Variants in BMAL2 observed in about 807,000 individuals in gnomAD.
The protein encoded by BMAL2 is basic helix-loop-helix ARNT-like protein 2.
At chr12:27,355,829 G>A in the BMAL2 span, among the ~76,000 whole-genome samples, 14 of 152,258 alleles carry the variant, frequency 9.2e-5, no homozygotes, top group African/African-American at 2.9e-4. Context: ...TTTAGTTTAT[G>A]GAGCCTGAGA....
At chr12:27,347,543 GAC>G in the BMAL2 span, among the ~76,000 whole-genome samples, 1 of 152,096 alleles carries the variant, frequency 6.6e-6, no homozygotes, top group Non-Finnish European at 1.5e-5. Context: ...TGATCTGCAG[GAC>G]ATTGTAGGAC....
At chr12:27,381,092 G>A in the BMAL2 span, among the ~76,000 whole-genome samples, 3 of 152,208 alleles carry the variant, frequency 2.0e-5, no homozygotes, top group East Asian at 5.8e-4. Flanking sequence ...GCTTCATTCA[G>A]ATTTACGAGT....
At chr12:27,371,686 T>G in the BMAL2 span, among the ~76,000 whole-genome samples, 1 of 150,228 alleles carries the variant, frequency 6.7e-6, no homozygotes, top group East Asian at 2.0e-4. Context: ...GCCTCTGCAC[T>G]TTTTCACTTT....
chr12:27,393,553 C>G, the BMAL2 span, among the ~76,000 whole-genome samples: 3 of 152,186 alleles, frequency 2.0e-5, no homozygotes, highest in Non-Finnish European at 2.9e-5. Flanking sequence ...AGTGCTCAAG[C>G]CTAGGACTAA....
the BMAL2 span, among the ~76,000 whole-genome samples, chr12:27,391,413 G>A: frequency 3.9e-5 from 6 of 152,080 alleles, no homozygotes; most frequent in Non-Finnish European, 7.4e-5. Flanking sequence ...TGATTCATAC[G>A]TAGCCCACTT....
At chr12:27,344,244 G>A in the BMAL2 span, among the ~76,000 whole-genome samples, 2 of 152,164 alleles carry the variant, frequency 1.3e-5, no homozygotes, top group Non-Finnish European at 2.9e-5. Flanking sequence ...GTGTCTGCAA[G>A]GCATTTGGAT....
At chr12:27,400,600 G>C in the BMAL2 span, 196 of 1,613,804 alleles carry the variant, frequency 1.2e-4, no homozygotes, top group Non-Finnish European at 1.6e-4. Context: ...AATATTGTTG[G>C]AATGGAAGAA....
At chr12:27,339,314 T>C in the BMAL2 span, among the ~76,000 whole-genome samples, 1 of 152,218 alleles carries the variant, frequency 6.6e-6, no homozygotes, top group Non-Finnish European at 1.5e-5. Context: ...GGCTACATAA[T>C]ATTCCATGGT....
At chr12:27,373,825 T>C in the BMAL2 span, among the ~76,000 whole-genome samples, 1 of 152,240 alleles carries the variant, frequency 6.6e-6, no homozygotes, top group Non-Finnish European at 1.5e-5. Flanking sequence ...ATTTTGAAAT[T>C]CTATTACTGT....
At chr12:27,333,862 G>A in the BMAL2 span, among the ~76,000 whole-genome samples, 1 of 152,230 alleles carries the variant, frequency 6.6e-6, no homozygotes, top group Non-Finnish European at 1.5e-5. Flanking sequence ...GTATTCACTG[G>A]CAGTATTCTG....
the BMAL2 span, among the ~76,000 whole-genome samples, chr12:27,362,449 C>T: frequency 6.6e-6 from 1 of 152,030 alleles, no homozygotes; most frequent in African/African-American, 2.4e-5. Context: ...ATCTATTATA[C>T]CTGTGAAGAT....
chr12:27,420,734 A>C, the BMAL2 span: 1 of 520,856 alleles, frequency 1.9e-6, no homozygotes. Context: ...TTTATTATAG[A>C]CTCCTTTATT....
At chr12:27,419,389 A>G in the BMAL2 span, among the ~76,000 whole-genome samples, 12 of 152,164 alleles carry the variant, frequency 7.9e-5, no homozygotes, top group South Asian at 2.5e-3. Context: ...CGGAAGGCAG[A>G]AGGGCAAGAG....
the BMAL2 span, among the ~76,000 whole-genome samples, chr12:27,388,489 C>T: frequency 6.6e-6 from 1 of 152,000 alleles, no homozygotes; most frequent in Non-Finnish European, 1.5e-5. Context: ...GTCAGGAAGG[C>T]GTCACACATG....
At chr12:27,410,539 G>A in the BMAL2 span, among the ~76,000 whole-genome samples, 2 of 152,118 alleles carry the variant, frequency 1.3e-5, 1 homozygote, top group South Asian at 4.1e-4. Flanking sequence ...GGTGGGAATT[G>A]AACAATGAGA....
the BMAL2 span, among the ~76,000 whole-genome samples, chr12:27,358,116 C>T: frequency 6.6e-6 from 1 of 151,680 alleles, no homozygotes; most frequent in South Asian, 2.1e-4. Flanking sequence ...GATAGACAAC[C>T]CAGAGAGTGG....
the BMAL2 span, among the ~76,000 whole-genome samples, chr12:27,378,472 A>G: frequency 2.0e-5 from 3 of 152,350 alleles, no homozygotes; most frequent in African/African-American, 7.2e-5. Context: ...TAAGCCTGGT[A>G]AAGAGCAAGG....
the BMAL2 span, among the ~76,000 whole-genome samples, chr12:27,377,219 C>T: frequency 6.6e-6 from 1 of 152,150 alleles, no homozygotes; most frequent in African/African-American, 2.4e-5. Context: ...GAATTAGGAG[C>T]CAGAGCTCTG....
chr12:27,355,295 T>C, the BMAL2 span, among the ~76,000 whole-genome samples: 1 of 152,180 alleles, frequency 6.6e-6, no homozygotes, highest in African/African-American at 2.4e-5. Flanking sequence ...TAACACACTC[T>C]GTCCTCAATT....
Sources: gnomAD v4.1 joint callset for allele counts (sites outside exome capture counted in the v4.1 genomes callset) on GRCh38, gnomAD v4.1.1 for gene constraint, MANE v1.5 for transcripts, NCBI Gene and HGNC (gene_info 2026-07-23, HGNC 2026-07-21) for gene names.